The following THSD7A variants were observed in gnomAD, a reference collection of about 807,000 sequenced individuals.
The protein encoded by THSD7A is thrombospondin type 1 domain containing 7A.
THSD7A carries 96 observed loss-of-function variants against 231.3 expected under a neutral mutation model. That is an observed-to-expected ratio of 0.41 (90% CI 0.35 to 0.49). THSD7A has a LOEUF of 0.49. Ranked by LOEUF, THSD7A falls within the 20% of genes least tolerant of loss-of-function variation. The pLI is 0.05. For synonymous variants in THSD7A, 940 were observed against 743.3 expected, an observed-to-expected ratio of 1.26 and a Z score of -4.30; for missense variants, 2,290 against 2,070.2, an observed-to-expected ratio of 1.11 and a Z score of -2.06.
intron 1 of THSD7A, among the ~76,000 whole-genome samples, chr7:11,794,716 A>G (rs142909277): frequency 1.4e-4 from 22 of 152,086 alleles, no homozygotes; most frequent in African/African-American, 5.3e-4. Flanking sequence ...TTGAAAAATA[A>G]GTCTTTTTGC....
intron 14 of THSD7A, 47 bp downstream of exon 14, chr7:11,428,900 A>C (rs1241283278): frequency 1.3e-6 from 2 of 1,543,722 alleles, no homozygotes; most frequent in Admixed American, 4.6e-5. Flanking sequence ...AAATCAGATC[A>C]TTGTGAATCT....
At chr7:11,811,843 T>C (rs1233614157) in intron 1 of THSD7A, among the ~76,000 whole-genome samples, 1 of 152,206 alleles carries the variant, frequency 6.6e-6, no homozygotes, top group Non-Finnish European at 1.5e-5. Context: ...AAACTACAGC[T>C]GGAATGCAAT....
intron 6 of THSD7A, among the ~76,000 whole-genome samples, chr7:11,512,881 A>T (rs186761487): frequency 1.6e-4 from 24 of 148,338 alleles, no homozygotes; most frequent in Admixed American, 3.4e-4. Flanking sequence ...TACATACGTA[A>T]CGAATCTGCA....
intron 1 of THSD7A, among the ~76,000 whole-genome samples, chr7:11,717,450 AC>A (rs1781179560): frequency 6.6e-6 from 1 of 151,516 alleles, no homozygotes; most frequent in African/African-American, 2.4e-5. Flanking sequence ...TCCTACCACC[AC>A]CTCACCCTCC....
At chr7:11,500,594 T>C (rs1434951149) in intron 6 of THSD7A, among the ~76,000 whole-genome samples, 1 of 151,932 alleles carries the variant, frequency 6.6e-6, no homozygotes, top group Non-Finnish European at 1.5e-5. Context: ...ATGACACTTG[T>C]AGGCTCAAAA....
intron 1 of THSD7A, among the ~76,000 whole-genome samples, chr7:11,800,252 A>T (rs533584541): frequency 6.6e-6 from 1 of 152,244 alleles, no homozygotes; most frequent in African/African-American, 2.4e-5. Flanking sequence ...TCAGTCTTTA[A>T]AAACATCCTA....
chr7:11,746,653 T>G (rs898424910), intron 1 of THSD7A, among the ~76,000 whole-genome samples: 3 of 151,868 alleles, frequency 2.0e-5, no homozygotes, highest in Non-Finnish European at 4.4e-5. Context: ...CATCACCATA[T>G]ACAGAGTATA....
At chr7:11,527,970 G>A (rs1254186379) in intron 6 of THSD7A, among the ~76,000 whole-genome samples, 1 of 151,984 alleles carries the variant, frequency 6.6e-6, no homozygotes, top group African/African-American at 2.4e-5. Flanking sequence ...TCGGGCCATA[G>A]AGTAAGACTT....
chr7:11,506,832 G>T (rs1338405180), intron 6 of THSD7A, among the ~76,000 whole-genome samples: 1 of 152,126 alleles, frequency 6.6e-6, no homozygotes, highest in Non-Finnish European at 1.5e-5. Context: ...TCTTCCTAGA[G>T]AGTCTTTGCA....
At chr7:11,693,611 T>C (rs1234115686) in intron 1 of THSD7A, among the ~76,000 whole-genome samples, 1 of 151,512 alleles carries the variant, frequency 6.6e-6, no homozygotes, top group Non-Finnish European at 1.5e-5. Context: ...AATAGAAAAG[T>C]AGTGGGCTTC....
At chr7:11,421,969 TA>T (rs1430489933) in intron 16 of THSD7A, among the ~76,000 whole-genome samples, 1 of 152,214 alleles carries the variant, frequency 6.6e-6, no homozygotes, top group African/African-American at 2.4e-5. Flanking sequence ...GAAGGCACTT[TA>T]AATTCCTTTG....
At chr7:11,500,615 G>GA (rs966785931) in intron 6 of THSD7A, among the ~76,000 whole-genome samples, 7 of 151,402 alleles carry the variant, frequency 4.6e-5, no homozygotes, top group African/African-American at 1.7e-4. Flanking sequence ...TAAAGGGATG[G>GA]AAAAAAATCT....
At position 11,541,558 on chromosome 7, in the gene THSD7A, G is replaced by A. The variant is rs1481365398; in HGVS notation, c.1683C>T (p.His561=). 5.0e-6 allele frequency: 8 copies of A among 1,613,838 alleles called. No individual in the cohort carries two copies. The highest frequency in any genetic ancestry group is 5.9e-6 in the Non-Finnish European group (7 of 1,179,884). ...CTTCACAGGGAATGGCTTCCAGTAA[G>A]TGAGGGCAGTTTCCGGTTACCCCAG... ...GGSGVTGNCP[H]LLEAIPCEEP... Residue 561 remains histidine (H), a synonymous_variant, in exon 6 of 28, where the codon CAC becomes CAT. Transcript: ENST00000423059.
At chr7:11,575,610 A>G (rs971583736) in intron 4 of THSD7A, among the ~76,000 whole-genome samples, 5 of 152,204 alleles carry the variant, frequency 3.3e-5, no homozygotes, top group Admixed American at 3.3e-4. Flanking sequence ...GTCAGGGGAT[A>G]TAACGGAACT....
intron 6 of THSD7A, among the ~76,000 whole-genome samples, chr7:11,484,874 A>ATCTTTTTTTTTTTT (rs1786585020): frequency 1.9e-5 from 1 of 53,798 alleles, no homozygotes; most frequent in Non-Finnish European, 3.1e-5. Context: ...CACAACCTTA[A>ATCTTTTTTTTTTTT]TTTTTTTTTT....
chr7:11,821,315 T>C, intron 1 of THSD7A: 1 of 784,492 alleles, frequency 1.3e-6, no homozygotes, highest in Non-Finnish European at 2.3e-6. Flanking sequence ...CCAACAGTTT[T>C]GTTCTTAATT....
rs1206163353 is a variant in THSD7A, at chr7:11,412,676, T to C, written c.3662A>G (p.His1221Arg). 2 of 1,613,738 alleles carry C rather than the reference T, an allele frequency of 1.2e-6. No individual in the cohort carries two copies. Among genetic ancestry groups the C allele is most frequent in the African/African-American group, 2.7e-5 (2 of 74,934 alleles). Reference sequence around the variant, plus strand: ...TGTACCTGTTACATTATAATCATAGTGGTAGCAGTTTTTGTTCAGGTTACA... The same window carrying C: ...TGTACCTGTTACATTATAATCATAGCGGTAGCAGTTTTTGTTCAGGTTACA... ...EPCNLNKNCY[H>R]YDYNVTDWST... The change falls in exon 18 of 28, where the codon CAC becomes CGC. Residue 1221 changes from histidine to arginine, a missense_variant. By Grantham distance (29) the His-to-Arg change is conservative. Transcript: ENST00000423059.
At chr7:11,813,771 C>G (rs1454213584) in intron 1 of THSD7A, among the ~76,000 whole-genome samples, 1 of 151,192 alleles carries the variant, frequency 6.6e-6, no homozygotes, top group Admixed American at 6.6e-5. Flanking sequence ...CTCAGTTTGG[C>G]AGTTTCTCAA....
At chr7:11,567,275 G>A (rs1442573185) in intron 4 of THSD7A, among the ~76,000 whole-genome samples, 1 of 152,012 alleles carries the variant, frequency 6.6e-6, no homozygotes, top group Non-Finnish European at 1.5e-5. Context: ...CCCCCTCAAG[G>A]CAGCAGAAAA....
Sources: gnomAD v4.1 joint callset for allele counts (sites outside exome capture counted in the v4.1 genomes callset) on GRCh38, gnomAD v4.1.1 for gene constraint, MANE v1.5 for transcripts, NCBI Gene and HGNC (gene_info 2026-07-23, HGNC 2026-07-21) for gene names.